Variants in OSTM1 observed in about 807,000 individuals in gnomAD.
OSTM1 encodes osteopetrosis-associated transmembrane protein 1.
A neutral mutation model predicts 35.4 loss-of-function variants in OSTM1; 26 were observed. That is an observed-to-expected ratio of 0.73 (90% CI 0.54 to 1.02). The LOEUF is 1.02. OSTM1 is among the 50% of genes least tolerant of loss of function. OSTM1 has a pLI of 0.00. For missense variants in OSTM1, 366 were observed against 409.6 expected (o/e 0.89, Z 0.92); for synonymous variants, 181 against 165.0 (o/e 1.10, Z -0.75).
At chr6:108,050,358 CTTT>C (rs759901355) in intron 4 of OSTM1, among the ~76,000 whole-genome samples, 42 of 104,820 alleles carry the variant, frequency 4.0e-4, no homozygotes, top group Non-Finnish European at 4.5e-4. Context: ...CCAGAAACGT[CTTT>C]TTTTTTTTTT....
chr6:108,070,615 C>T (rs1431782805), intron 1 of OSTM1, among the ~76,000 whole-genome samples: 3 of 151,950 alleles, frequency 2.0e-5, no homozygotes, highest in East Asian at 1.9e-4. Flanking sequence ...ATAGGCTGGG[C>T]GTGGTGGCTC....
In OSTM1 at chr6:108,049,355, C is replaced by T; in HGVS notation, c.847G>A (p.Val283Met). 1 of 1,613,216 alleles carries T rather than the reference C, an allele frequency of 6.2e-7. No individual in the cohort carries two copies. The highest frequency in any genetic ancestry group is 8.5e-7 in the Non-Finnish European group (1 of 1,179,196). Residue 283 changes from valine (V) to methionine (M), a missense_variant, in exon 5 of 6, where the codon GTG becomes ATG. Coordinates refer to ENST00000193322, the MANE Select transcript of OSTM1 (RefSeq NM_014028.4). ...FNCSVPCSDT[V>M]PVIAVSVFIL... is the part of the protein sequence containing the mutation. ...AACACAGAAACAGCAATTACAGGCA[C>T]TGTGTCACTGCAAGGGACTGAACAG...
chr6:108,070,408 A>G (rs1336266552), intron 1 of OSTM1, among the ~76,000 whole-genome samples: 1 of 152,116 alleles, frequency 6.6e-6, no homozygotes, highest in Non-Finnish European at 1.5e-5. Flanking sequence ...AATTTATAAC[A>G]CTCACTGATA....
In OSTM1 at chr6:108,041,991, T is replaced by C. The variant is rs1253713483; in HGVS notation, c.*2794A>G. 6.6e-6 allele frequency: 1 copy of C among 152,206 alleles called. No homozygotes were observed. Among genetic ancestry groups the C allele is most frequent in the Non-Finnish European group, 1.5e-5 (1 of 68,040 alleles). 9.4% of individuals were successfully genotyped at this position (152,206 alleles called of 1,614,324 possible). A position where few individuals can be genotyped will look rare whatever the true frequency, so the allele number is the denominator to read the frequency against. Reference sequence around the variant, plus strand: ...GGTGATGTCTATTACTTATTTGATGTCATGTCTTTGGCCAGGAATGCAATC... The same window carrying C: ...GGTGATGTCTATTACTTATTTGATGCCATGTCTTTGGCCAGGAATGCAATC... On this transcript the variant is annotated 3_prime_UTR_variant, in exon 6 of 6. Coordinates refer to ENST00000193322, the MANE Select transcript of OSTM1 (RefSeq NM_014028.4).
At chr6:108,044,869 AT>A in intron 5 of OSTM1, 29 bp from the exon 6 acceptor site, 1 of 1,168,718 alleles carries the variant, frequency 8.6e-7, no homozygotes, top group Non-Finnish European at 1.2e-6. Flanking sequence ...TTATATTTTA[AT>A]TTAAATTTAA....
chr6:108,052,230 C>A (rs549429714), intron 3 of OSTM1, among the ~76,000 whole-genome samples: 1 of 152,128 alleles, frequency 6.6e-6, no homozygotes, highest in South Asian at 2.1e-4. Context: ...GTCAGGAGAT[C>A]GAGACCATCC....
At chr6:108,045,450 G>A (rs1771950731) in intron 5 of OSTM1, among the ~76,000 whole-genome samples, 1 of 149,022 alleles carries the variant, frequency 6.7e-6, no homozygotes, top group African/African-American at 2.5e-5. Context: ...AAAGAAAACT[G>A]CTTCTATTTT....
At chr6:108,062,113 A>T (rs538654834) in intron 2 of OSTM1, among the ~76,000 whole-genome samples, 53 of 152,146 alleles carry the variant, frequency 3.5e-4, no homozygotes, top group African/African-American at 1.2e-3. Flanking sequence ...ATAAAGTTTA[A>T]TTTATAAATT....
intron 5 of OSTM1, among the ~76,000 whole-genome samples, chr6:108,048,507 AACT>A (rs1772018518): frequency 6.6e-6 from 1 of 152,186 alleles, no homozygotes; most frequent in Non-Finnish European, 1.5e-5. Flanking sequence ...ATCTCCTTGG[AACT>A]ACGATTCCAA....
chr6:108,071,513 A>C (rs1382159964), intron 1 of OSTM1, among the ~76,000 whole-genome samples: 1 of 126,066 alleles, frequency 7.9e-6, no homozygotes, highest in Non-Finnish European at 1.6e-5. Flanking sequence ...GGGTTTCACC[A>C]TGTTGGCCAG....
At chr6:108,050,829 C>T (rs1230618352) in intron 4 of OSTM1, among the ~76,000 whole-genome samples, 1 of 152,146 alleles carries the variant, frequency 6.6e-6, no homozygotes, top group Non-Finnish European at 1.5e-5. Flanking sequence ...TTATTTTTAT[C>T]CTAACCATGA....
chr6:108,069,970 TAGAA>T (rs1772452140), intron 1 of OSTM1, among the ~76,000 whole-genome samples: 1 of 152,120 alleles, frequency 6.6e-6, no homozygotes, highest in Non-Finnish European at 1.5e-5. Flanking sequence ...TAAAGAAGGG[TAGAA>T]AGAATGCCTT....
chr6:108,071,460 A>ATT lies in OSTM1; in HGVS notation c.402+2788_402+2789dup, dbSNP rs545759140. On this transcript the variant is annotated intron_variant, in intron 1 of 5. Transcript: ENST00000193322. ...AGCTGCGCACCACCACACCCGGCTAATTTTTTTTTTTTTTTTTTTTTTTTG... is the reference window on the plus strand; with the variant it reads ...AGCTGCGCACCACCACACCCGGCTAATTTTTTTTTTTTTTTTTTTTTTTTTTG... 6.9e-3 allele frequency among the ~76,000 whole-genome samples: 710 copies of ATT among 103,414 alleles called. 5 individuals carry two copies. Among genetic ancestry groups the ATT allele is most frequent in the African/African-American group, 0.016 (395 of 24,270 alleles). The allele number at this position is 103,414 out of a possible 152,430, so 67.8% of individuals were successfully genotyped here.
At position 108,070,228 on chromosome 6, in the gene OSTM1, G is replaced by A. The variant is rs568618949; in HGVS notation, c.402+4022C>T. Among the ~76,000 whole-genome samples, 85 of 151,978 alleles carry A rather than the reference G, an allele frequency of 5.6e-4. 1 individual carries two copies. The Middle Eastern group carries it at 0.014, about 24-fold the overall frequency. ...AATTTTTTATATTTTTAGTAGAGAC[G>A]GGGTTTTGCCATGTTGGCTAGGCTG... On this transcript the variant is annotated intron_variant, in intron 1 of 5. Coordinates refer to ENST00000193322, the MANE Select transcript of OSTM1 (RefSeq NM_014028.4).
intron 2 of OSTM1, among the ~76,000 whole-genome samples, chr6:108,058,660 C>T (rs1032664959): frequency 1.3e-5 from 2 of 152,190 alleles, no homozygotes; most frequent in African/African-American, 4.8e-5. Context: ...CACCTGTAGT[C>T]CCAGCTACTC....
In OSTM1 at chr6:108,049,263, T is replaced by C. The variant is rs1772034162; in HGVS notation, c.939A>G (p.Lys313=). The part of the protein sequence containing the change: ...SFLHSEQKKR[K]LILPKRLKSS... Reference sequence around the variant, plus strand: ...TTGTAAAAAACTTACGCAGAATGAGTTTGCGTTTCTTTTGCTCTGAGTGAA... The same window carrying C: ...TTGTAAAAAACTTACGCAGAATGAGCTTGCGTTTCTTTTGCTCTGAGTGAA... Residue 313 remains lysine (K), a synonymous_variant, in exon 5 of 6, where the codon AAA becomes AAG. Coordinates refer to ENST00000193322, the MANE Select transcript of OSTM1 (RefSeq NM_014028.4). The C allele has an allele frequency of 1.2e-6, 2 of 1,609,728 alleles. No individual in the cohort carries two copies. The highest frequency in any genetic ancestry group is 1.7e-6 in the Non-Finnish European group (2 of 1,176,412).
At chr6:108,045,222 A>G (rs1771946096) in intron 5 of OSTM1, among the ~76,000 whole-genome samples, 1 of 152,164 alleles carries the variant, frequency 6.6e-6, no homozygotes, top group Non-Finnish European at 1.5e-5. Flanking sequence ...ATTTCTCTTA[A>G]AAGAATTCAG....
chr6:108,050,377 T>G (rs1225082200), intron 4 of OSTM1, among the ~76,000 whole-genome samples: 1 of 147,476 alleles, frequency 6.8e-6, no homozygotes, highest in Non-Finnish European at 1.5e-5. Flanking sequence ...TTTTTTTTTT[T>G]TTTTGAGACG....
At chr6:108,052,432 C>CAA (rs1174266231) in intron 3 of OSTM1, among the ~76,000 whole-genome samples, 58 of 66,258 alleles carry the variant, frequency 8.8e-4, no homozygotes, top group African/African-American at 1.9e-3. Flanking sequence ...GACTCCGTCT[C>CAA]AAAAAAAAAA....
Sources: gnomAD v4.1 joint callset for allele counts (sites outside exome capture counted in the v4.1 genomes callset) on GRCh38, gnomAD v4.1.1 for gene constraint, MANE v1.5 for transcripts, NCBI Gene and HGNC (gene_info 2026-07-23, HGNC 2026-07-21) for gene names.